Variants in ZPR1 observed in about 807,000 individuals in gnomAD.
ZPR1 encodes the protein zinc finger protein ZPR1.
Under a neutral mutation model 59.6 loss-of-function variants are expected in ZPR1, and 37 were observed. That is an observed-to-expected ratio of 0.62 (90% CI 0.48 to 0.82). The LOEUF (loss-of-function observed/expected upper bound fraction) is 0.82, where lower values mean the gene tolerates loss of function less well. Ranked by LOEUF, ZPR1 falls within the 40% of genes least tolerant of loss-of-function variation. ZPR1 has a pLI of 0.00. For synonymous variants in ZPR1, 191 were observed against 215.2 expected, an observed-to-expected ratio of 0.89 and a Z score of 0.99; for missense variants, 527 against 579.9, an observed-to-expected ratio of 0.91 and a Z score of 0.94.
chr11:116,783,695 G>A (rs1565321410), intron 9 of ZPR1, 76 bp from the exon 10 acceptor site: 2 of 1,207,450 alleles, frequency 1.7e-6, no homozygotes, highest in East Asian at 4.7e-5. Context: ...TGGAGTGTAG[G>A]CTTGGACATC....
In ZPR1 at chr11:116,783,631, ACAGT is replaced by A. The variant is rs760924466; in HGVS notation, c.892-16_892-13del. 1.9e-6 allele frequency: 3 copies of A among 1,612,442 alleles called. No homozygotes were observed. The highest frequency in any genetic ancestry group is 1.7e-6 in the Non-Finnish European group (2 of 1,178,454). ...CCTCCAGATTTCACCTGCATCGATAACAGTCAGGAGCAACAGAGAGAAGACCTGA... is the reference window on the plus strand; with the variant it reads ...CCTCCAGATTTCACCTGCATCGATAACAGGAGCAACAGAGAGAAGACCTGA... On this transcript the variant is annotated splice_polypyrimidine_tract_variant and intron_variant, in intron 9 of 13. Transcript: ENST00000227322.
In ZPR1 at chr11:116,775,484, C is replaced by T. The variant is rs1160713567; in HGVS notation, c.*3441G>A. ...AAAAAAAAAAAAAAAAAAAATTAGC[C>T]AGGCATGGTGGCGTGCACCTGTAGT... On this transcript the variant is annotated 3_prime_UTR_variant, in exon 14 of 14. Transcript: ENST00000227322. 6.5e-6 allele frequency: 1 copy of T among 153,008 alleles called. No individual in the cohort carries two copies. Among genetic ancestry groups the T allele is most frequent in the East Asian group, 1.9e-4 (1 of 5,212 alleles). The allele number at this position is 153,008 out of a possible 1,614,324, so 9.5% of individuals were successfully genotyped here.
intron 3 of ZPR1, 151 bp from the exon 4 acceptor site, chr11:116,786,732 T>C (rs1940893496): frequency 1.4e-6 from 1 of 717,400 alleles, no homozygotes; most frequent in Admixed American, 2.4e-5. Flanking sequence ...CATTCATGTC[T>C]GATAATAGTG....
At position 116,777,347 on chromosome 11, in the gene ZPR1, T is replaced by C. The variant is rs1940736348; in HGVS notation, c.*1578A>G. ...AGATGTCTGATTGCTAAATCATCTC[T>C]AACTCATTCTTCAGAGTTAAGTTTG... is the stretch of plus-strand genomic sequence containing the variant. On this transcript the variant is annotated 3_prime_UTR_variant, in exon 14 of 14. Transcript: ENST00000227322. The C allele has an allele frequency of 6.6e-6, 1 of 152,242 alleles. No individual in the cohort carries two copies. 9.4% of individuals were successfully genotyped at this position (152,242 alleles called of 1,614,324 possible).
At chr11:116,779,731 A>G (rs1490597761) in intron 13 of ZPR1, 41 bp downstream of exon 13, 1 of 1,432,668 alleles carries the variant, frequency 7.0e-7, no homozygotes, top group African/African-American at 1.4e-5. Context: ...GGAAGATCAG[A>G]AAATGTATCT....
Position 116,779,763 on chromosome 11 carries a change from C to A in ZPR1, c.1245+9G>T. The A allele has an allele frequency of 1.3e-6, 2 of 1,597,096 alleles. No individual in the cohort carries two copies. Among genetic ancestry groups the A allele is most frequent in the South Asian group, 1.1e-5 (1 of 89,648 alleles). ...ATCTCTATGAAACATCAGGGAAGGT[C>A]TACTATACCTGCAAGTAACTGTTTC... On this transcript the variant is annotated intron_variant, in intron 13 of 13. Transcript: ENST00000227322.
Position 116,787,956 on chromosome 11 carries a change from G to A in ZPR1, c.35C>T (p.Pro12Leu), listed in dbSNP as rs1220365186. Residue 12 changes from proline to leucine, a missense_variant, in exon 1 of 14, where the codon CCG (proline) becomes CTG (leucine). Physicochemically the swap from Pro to Leu is moderately conservative, Grantham distance 98. Coordinates refer to ENST00000227322, the MANE Select transcript of ZPR1 (RefSeq NM_003904.5). The stretch of plus-strand genomic sequence containing the variant: ...GGGCGACGGGGCGACGGCAGCCCCC[G>A]GGGGCCCTGGTTCCACAGCCCCGCT... ...AASGAVEPGPPGAAVAPSPAP... is the reference protein window; with the variant it reads ...AASGAVEPGPLGAAVAPSPAP... The A allele has an allele frequency of 1.4e-6, 2 of 1,455,434 alleles. No individual in the cohort carries two copies. The highest frequency in any genetic ancestry group is 1.5e-5 in the African/African-American group (1 of 67,386). The allele number at this position is 1,455,434 out of a possible 1,614,324, so 90.2% of individuals were successfully genotyped here. A position where few individuals can be genotyped will look rare whatever the true frequency, so the allele number is the denominator to read the frequency against.
At position 116,775,001 on chromosome 11, in the gene ZPR1, A is replaced by C. The variant is rs1419443570; in HGVS notation, c.*3924T>G. ...GTGTCTCCACCCTGTGCTGCAGGGC[A>C]GTTAAGCAGGATCAGATGCCGTGCC... On this transcript the variant is annotated 3_prime_UTR_variant, in exon 14 of 14. Transcript: ENST00000227322. The C allele has an allele frequency of 6.6e-6, 1 of 152,348 alleles. No homozygotes were observed. The highest frequency in any genetic ancestry group is 1.5e-5 in the Non-Finnish European group (1 of 68,118). The allele number at this position is 152,348 out of a possible 1,614,324, so 9.4% of individuals were successfully genotyped here.
Position 116,787,571 on chromosome 11 carries a change from G to A in ZPR1, c.244C>T (p.His82Tyr), listed in dbSNP as rs1396435143. ...EIIVSSFSCEHCGWNNTEIQS... is the reference protein window; with the variant it reads ...EIIVSSFSCEYCGWNNTEIQS... ...ATCTCCGTGTTGTTCCAGCCACAGT[G>A]CTCGCAGGAAAAGGAGCTCACTATT... Residue 82 changes from histidine (H) to tyrosine (Y), a missense_variant, in exon 2 of 14, where the codon CAC (histidine) becomes TAC (tyrosine). Coordinates refer to ENST00000227322, the MANE Select transcript of ZPR1 (RefSeq NM_003904.5). 9 of 1,614,250 alleles carry A rather than the reference G, an allele frequency of 5.6e-6. No homozygotes were observed. The highest frequency in any genetic ancestry group is 3.3e-4 in the Middle Eastern group (2 of 6,062).
chr11:116,780,587 T>G (rs1397372939), intron 12 of ZPR1, among the ~76,000 whole-genome samples: 1 of 152,076 alleles, frequency 6.6e-6, no homozygotes. Flanking sequence ...TCACCAATTC[T>G]TAAAACTTTG....
At chr11:116,787,704 T>C in intron 1 of ZPR1, 61 bp from the exon 2 acceptor site, 2 of 1,563,978 alleles carry the variant, frequency 1.3e-6, no homozygotes, top group Non-Finnish European at 1.7e-6. Flanking sequence ...CCCGCCCTAC[T>C]ATCTCCGGGC....
chr11:116,786,689 A>G lies in ZPR1; in HGVS notation c.425-108T>C, dbSNP rs1014435508. The G allele has an allele frequency of 7.2e-6, 7 of 968,768 alleles. 1 individual carries two copies. In the South Asian group the frequency reaches 9.8e-5, roughly 14 times the overall value. 60.0% of individuals were successfully genotyped at this position (968,768 alleles called of 1,614,324 possible). A position where few individuals can be genotyped will look rare whatever the true frequency, so the allele number is the denominator to read the frequency against. ...GAACTCTCTGGGTCTTAATTTCCTC[A>G]TCTGTAAAATGAGAAGGCCAGGTGC... On this transcript the variant is annotated intron_variant, in intron 3 of 13. Coordinates refer to ENST00000227322, the MANE Select transcript of ZPR1 (RefSeq NM_003904.5).
chr11:116,783,181 C>T, intron 10 of ZPR1, 152 bp from the exon 11 acceptor site: 1 of 635,532 alleles, frequency 1.6e-6, no homozygotes, highest in Non-Finnish European at 2.8e-6. Flanking sequence ...TTGAGACTCA[C>T]TCCTGTCCAT....
At chr11:116,787,712 G>A (rs1940911111) in intron 1 of ZPR1, 69 bp from the exon 2 acceptor site, 1 of 1,550,718 alleles carries the variant, frequency 6.4e-7, no homozygotes, top group Admixed American at 1.9e-5. Flanking sequence ...ACTATCTCCG[G>A]GCGCTCCTCG....
Position 116,785,810 on chromosome 11 carries a change from A to G in ZPR1, c.568T>C (p.Ser190Pro), listed in dbSNP as rs755003039. Residue 190 changes from serine to proline, a missense_variant, in exon 5 of 14, where the codon TCC becomes CCC. Physicochemically the swap from Ser to Pro is moderately conservative, Grantham distance 74. Transcript: ENST00000227322. ...TCAATACTCACCAGAGTGAAAGGGGAGGCTACTTGCTTTAGCTCCTTCAGT... is the reference window on the plus strand; with the variant it reads ...TCAATACTCACCAGAGTGAAAGGGGGGGCTACTTGCTTTAGCTCCTTCAGT... Reference protein sequence around the residue: ...VKLKELKQVASPFTLIIDDPS... With the variant: ...VKLKELKQVAPPFTLIIDDPS... The G allele has an allele frequency of 3.1e-6, 5 of 1,614,040 alleles. No individual in the cohort carries two copies. Among genetic ancestry groups the G allele is most frequent in the Middle Eastern group, 3.3e-4 (2 of 6,084 alleles).
At chr11:116,786,271 G>C (rs1940885471) in intron 4 of ZPR1, among the ~76,000 whole-genome samples, 2 of 152,120 alleles carry the variant, frequency 1.3e-5, no homozygotes, top group South Asian at 2.1e-4. Context: ...TAACCCAAGG[G>C]GATTAGGAAA....
In ZPR1 at chr11:116,778,996, G is replaced by A. The variant is rs770684969; in HGVS notation, c.1309C>T (p.Gln437Ter). The stretch of plus-strand genomic sequence containing the variant: ...TCATTGAGCCCTAGCTCCTCATTTT[G>A]GTCAAAGGTGCGCTTGTAACGCTCC... ...KVERYKRTFD[Q>*]NEELGLNDMK... The change falls in exon 14 of 14, where the codon CAA becomes TAA. Residue 437 changes from glutamine (Q) to a stop codon, truncating the protein, a stop_gained. Transcript: ENST00000227322. LOFTEE classifies it high-confidence loss of function. 1 of 1,614,168 alleles carries A rather than the reference G, an allele frequency of 6.2e-7. No individual in the cohort carries two copies.
intron 11 of ZPR1, 40 bp from the exon 12 acceptor site, chr11:116,782,284 T>C: frequency 6.4e-7 from 1 of 1,569,234 alleles, no homozygotes; most frequent in South Asian, 1.1e-5. Context: ...AATACTGGCT[T>C]TATATTTGTT....
intron 4 of ZPR1, 33 bp downstream of exon 4, chr11:116,786,478 T>A (rs376871846): frequency 6.2e-7 from 1 of 1,613,662 alleles, no homozygotes; most frequent in African/African-American, 1.3e-5. Context: ...CAATTATTCC[T>A]TGAGCTGCTA....
Sources: allele counts gnomAD v4.1 joint callset (sites outside exome capture counted in the v4.1 genomes callset), GRCh38; gene constraint gnomAD v4.1.1; transcripts MANE v1.5; gene names NCBI Gene and HGNC (gene_info 2026-07-23, HGNC 2026-07-21).